Variants in WASHC5 observed in about 807,000 individuals in gnomAD.
WASHC5 encodes WASH complex subunit 5.
A neutral mutation model predicts 150.4 loss-of-function variants in WASHC5; 101 were observed. That is an observed-to-expected ratio of 0.67 (90% CI 0.57 to 0.79). The LOEUF is 0.79. Ranked by LOEUF, WASHC5 falls within the 30% of genes least tolerant of loss-of-function variation. The pLI, the probability that WASHC5 is intolerant of heterozygous loss-of-function variation, is 0.00. For missense variants in WASHC5, 1,195 were observed against 1,396.3 expected, an observed-to-expected ratio of 0.86 and a Z score of 2.30; for synonymous variants, 467 against 491.2, an observed-to-expected ratio of 0.95 and a Z score of 0.65.
chr8:125,056,880 A>G (rs928868000), intron 15 of WASHC5, 63 bp from the exon 16 acceptor site: 1 of 1,597,466 alleles, frequency 6.3e-7, no homozygotes, highest in African/African-American at 1.3e-5. Context: ...TGGCTGACAA[A>G]TATTAGGATG....
intron 20 of WASHC5, among the ~76,000 whole-genome samples, chr8:125,046,730 T>C (rs1374114305): frequency 1.3e-5 from 2 of 151,714 alleles, no homozygotes; most frequent in Admixed American, 6.5e-5. Flanking sequence ...TAAATATTAG[T>C]TGTTGCTATC....
chr8:125,068,624 C>T (rs1816816686), intron 9 of WASHC5, among the ~76,000 whole-genome samples: 2 of 152,218 alleles, frequency 1.3e-5, no homozygotes, highest in South Asian at 4.2e-4. Flanking sequence ...CCAGAGTGGT[C>T]GTGGGGAATG....
At chr8:125,043,930 C>T (rs1457615448) in intron 22 of WASHC5, 26 bp from the exon 23 acceptor site, 2 of 1,600,258 alleles carry the variant, frequency 1.2e-6, no homozygotes, top group Non-Finnish European at 1.7e-6. Flanking sequence ...ATAATTTTCT[C>T]TTTAGTACAT....
At chr8:125,035,231 T>C (rs937224195) in intron 26 of WASHC5, among the ~76,000 whole-genome samples, 1 of 152,188 alleles carries the variant, frequency 6.6e-6, no homozygotes, top group Non-Finnish European at 1.5e-5. Context: ...CTAGGATACA[T>C]AAAGATTTTG....
At chr8:125,080,455 C>G (rs16900364) in intron 5 of WASHC5, among the ~76,000 whole-genome samples, 19,722 of 152,118 alleles carry the variant, frequency 0.13, 3,122 homozygotes, top group African/African-American at 0.38. Flanking sequence ...AGTTGAGGAG[C>G]CTAAGACTAA....
At chr8:125,039,943 T>G in intron 23 of WASHC5, 45 bp from the exon 24 acceptor site, 1 of 1,301,326 alleles carries the variant, frequency 7.7e-7, no homozygotes, top group Non-Finnish European at 1.1e-6. Flanking sequence ...TTCAAGCATT[T>G]CAGAGTGACA....
chr8:125,065,693 T>C (rs898470632), intron 10 of WASHC5, among the ~76,000 whole-genome samples: 7 of 151,552 alleles, frequency 4.6e-5, no homozygotes, highest in South Asian at 4.2e-4. Context: ...TCTCGGCTCA[T>C]TGCAACCTCT....
rs1055854416 is a variant in WASHC5 at position 125,056,901 on chromosome 8, C to T, written c.1876-84G>A. 13 of 1,516,054 alleles carry T rather than the reference C, an allele frequency of 8.6e-6. No homozygotes were observed. In the African/African-American group the frequency reaches 1.2e-4, roughly 14 times the overall value. The allele number at this position is 1,516,054 out of a possible 1,614,324, so 93.9% of individuals were successfully genotyped here. On this transcript the variant is annotated intron_variant, in intron 15 of 28. Transcript: ENST00000318410. ...ACAAATATTAGGATGCCTAATTTGTCTATATAGGGGGATGCTGAAAAATGT... is the reference window on the plus strand; with the variant it reads ...ACAAATATTAGGATGCCTAATTTGTTTATATAGGGGGATGCTGAAAAATGT...
At chr8:125,057,728 T>C in intron 14 of WASHC5, 62 bp from the exon 15 acceptor site, 1 of 1,068,428 alleles carries the variant, frequency 9.4e-7, no homozygotes, top group Non-Finnish European at 1.4e-6. Flanking sequence ...AATCTTTCTT[T>C]CCAGAAAATG....
At chr8:125,089,393 A>C (rs576782307) in intron 1 of WASHC5, among the ~76,000 whole-genome samples, 73 of 152,226 alleles carry the variant, frequency 4.8e-4, no homozygotes, top group African/African-American at 1.7e-3. Context: ...ATAGCTGATG[A>C]CCTTAAAAAA....
Position 125,038,816 on chromosome 8 carries a change from T to C in WASHC5, c.3084+14A>G. 1 of 1,613,568 alleles carries C rather than the reference T, an allele frequency of 6.2e-7. No individual in the cohort carries two copies. Reference sequence around the variant, plus strand: ...GTACCCCCATCCCCGCCATTATATATTTTAATTACTCACCTTATTCAGTGG... The same window carrying C: ...GTACCCCCATCCCCGCCATTATATACTTTAATTACTCACCTTATTCAGTGG... On this transcript the variant is annotated intron_variant, in intron 25 of 28. Coordinates refer to ENST00000318410, the MANE Select transcript of WASHC5 (RefSeq NM_014846.4).
At chr8:125,040,010 A>G (rs568579140) in intron 23 of WASHC5, 112 bp from the exon 24 acceptor site, 11 of 732,014 alleles carry the variant, frequency 1.5e-5, no homozygotes, top group Admixed American at 1.0e-4. Flanking sequence ...ATCACTCTAC[A>G]GGAAAAAAAA....
At chr8:125,033,641 C>A (rs1021941979) in intron 26 of WASHC5, among the ~76,000 whole-genome samples, 7 of 152,070 alleles carry the variant, frequency 4.6e-5, no homozygotes, top group African/African-American at 1.4e-4. Context: ...CTCTGCCTCC[C>A]AGGTTCTAGC....
At position 125,049,284 on chromosome 8, in the gene WASHC5, T is replaced by C. The variant is rs573850098; in HGVS notation, c.2200-99A>G. The C allele has an allele frequency of 5.9e-5, 77 of 1,307,264 alleles. 1 individual carries two copies. In the South Asian group the frequency reaches 8.2e-4, roughly 14 times the overall value. The allele number at this position is 1,307,264 out of a possible 1,614,324, so 81.0% of individuals were successfully genotyped here. A position where few individuals can be genotyped will look rare whatever the true frequency, so the allele number is the denominator to read the frequency against. ...ACTTTAAATAGTATAGCAGGCCAGA[T>C]GCGGTGGCTCCCACCTGTAACCCCA... On this transcript the variant is annotated intron_variant, in intron 18 of 28. Transcript: ENST00000318410.
Position 125,044,548 on chromosome 8 carries a change from T to C in WASHC5, c.2655A>G (p.Val885=), listed in dbSNP as rs750386609. The C allele has an allele frequency of 6.2e-7, 1 of 1,614,006 alleles. No individual in the cohort carries two copies. Among genetic ancestry groups the C allele is most frequent in the Non-Finnish European group, 8.5e-7 (1 of 1,179,876 alleles). ...GLDRLLCFMI[V]KELQNFLSMF... ...TCAAAAGGCTCACCTGTAACTCTTT[T>C]ACAATCATAAAGCACAGAAGCCTGT... The change falls in exon 21 of 29, where the codon GTA becomes GTG. Residue 885 remains valine (V), a synonymous_variant. Coordinates refer to ENST00000318410, the MANE Select transcript of WASHC5 (RefSeq NM_014846.4).
chr8:125,030,637 TAA>T (rs71295816), intron 27 of WASHC5, among the ~76,000 whole-genome samples: 8,542 of 52,088 alleles, frequency 0.16, 192 homozygotes, highest in African/African-American at 0.24. Flanking sequence ...CTCTTTCTCA[TAA>T]AAAAAAAAAA....
rs745660305 is a variant in WASHC5 at position 125,073,137 on chromosome 8, C to A, written c.1150+16G>T. On this transcript the variant is annotated intron_variant, in intron 9 of 28. Transcript: ENST00000318410. ...TATGTGGAGTAATATAAACGGCCAC[C>A]CCTTTTGTGCATTACCTGAGTCTGC... The A allele has an allele frequency of 6.2e-7, 1 of 1,613,732 alleles. No individual in the cohort carries two copies. Among genetic ancestry groups the A allele is most frequent in the Non-Finnish European group, 8.5e-7 (1 of 1,179,670 alleles).
At chr8:125,057,423 T>C in intron 15 of WASHC5, 133 bp downstream of exon 15, 1 of 697,638 alleles carries the variant, frequency 1.4e-6, no homozygotes, top group South Asian at 1.6e-5. Context: ...TTTTAGGTGT[T>C]GCAAATTTCT....
rs1586345773 is a variant in WASHC5 at position 125,044,044 on chromosome 8, C to T, written c.2718G>A (p.Gln906=). The stretch of plus-strand genomic sequence containing the variant: ...CATTCATGAGGGTTTTTAAAGTGTC[C>T]TGAACAGTTCTGTCTCTCAGGATAA... The part of the protein sequence containing the change: ...QKIILRDRTV[Q]DTLKTLMNAV... Residue 906 remains glutamine (Q), a synonymous_variant, in exon 22 of 29, where the codon CAG becomes CAA. Coordinates refer to ENST00000318410, the MANE Select transcript of WASHC5 (RefSeq NM_014846.4). 1 of 1,613,806 alleles carries T rather than the reference C, an allele frequency of 6.2e-7. No individual in the cohort carries two copies. The highest frequency in any genetic ancestry group is 1.7e-4 in the Middle Eastern group (1 of 6,058).
Sources: gnomAD v4.1 joint callset for allele counts (sites outside exome capture counted in the v4.1 genomes callset) on GRCh38, gnomAD v4.1.1 for gene constraint, MANE v1.5 for transcripts, NCBI Gene and HGNC (gene_info 2026-07-23, HGNC 2026-07-21) for gene names.